The following GLIS1 variants were observed in gnomAD, a reference collection of about 807,000 sequenced individuals.
GLIS1 encodes zinc finger protein GLIS1.
GLIS1 carries 24 observed loss-of-function variants against 63.8 expected under a neutral mutation model. The observed-to-expected ratio is 0.38, with a 90% CI of 0.27 to 0.53. The LOEUF (loss-of-function observed/expected upper bound fraction) is 0.53. Ranked by LOEUF, GLIS1 falls within the 20% of genes least tolerant of loss-of-function variation. The probability of loss-of-function intolerance (pLI) is 0.85; values close to 1 mark genes in which losing one functional copy is unlikely to be tolerated. For synonymous variants in GLIS1, 450 were observed against 482.5 expected (o/e 0.93, Z 0.88); for missense variants, 1,036 against 1,074.1 (o/e 0.96, Z 0.50).
At chr1:53,668,497 G>T (rs1004863930) in intron 2 of GLIS1, among the ~76,000 whole-genome samples, 2 of 152,146 alleles carry the variant, frequency 1.3e-5, no homozygotes, top group African/African-American at 4.8e-5. Flanking sequence ...ATGTGGCTGA[G>T]ACTATAGGTG....
At chr1:53,715,864 G>C (rs745602467) in intron 2 of GLIS1, among the ~76,000 whole-genome samples, 7 of 152,156 alleles carry the variant, frequency 4.6e-5, no homozygotes, top group African/African-American at 9.7e-5. Flanking sequence ...GGGAAGAAAG[G>C]CTGCAAACAG....
intron 4 of GLIS1, among the ~76,000 whole-genome samples, chr1:53,532,186 T>C (rs536768576): frequency 6.6e-6 from 1 of 152,162 alleles, no homozygotes; most frequent in Non-Finnish European, 1.5e-5. Flanking sequence ...ATATGTGCCC[T>C]AGGAAGACCT....
rs1200151266 is a variant in GLIS1, at chr1:53,594,821, C to A, written c.607G>T (p.Gly203Cys). 6.2e-7 allele frequency: 1 copy of A among 1,605,736 alleles called. No individual in the cohort carries two copies. Among genetic ancestry groups the A allele is most frequent in the Non-Finnish European group, 8.5e-7 (1 of 1,177,308 alleles). ...GGCGCAGGGGTGGCGAGGCTTCGGC[C>A]CGGGAGGTCCAGGTCTGGGTGCAGG... The part of the protein sequence containing the change: ...TGLHPDLDLP[G>C]RSLATPAPSC... Residue 203 changes from glycine to cysteine, a missense_variant, in exon 4 of 11, where the codon GGC becomes TGC. By Grantham distance (159) the Gly-to-Cys change is radical. Transcript: ENST00000628545.
chr1:53,576,907 ATTCACATTCTAACAAGGCCCAG>A (rs1192048669), intron 4 of GLIS1, among the ~76,000 whole-genome samples: 2 of 151,036 alleles, frequency 1.3e-5, no homozygotes, highest in Non-Finnish European at 3.0e-5. Context: ...AGCCCTTCTC[ATTCACATTCTAACAAGGCCCAG>A]GTTCCCTCTG....
At position 53,560,543 on chromosome 1, in the gene GLIS1, G is replaced by T. The variant is rs1244796441; in HGVS notation, c.1321-30591C>A. Among the ~76,000 whole-genome samples, 1 of 152,228 alleles carries T rather than the reference G, an allele frequency of 6.6e-6. No individual in the cohort carries two copies. Among genetic ancestry groups the T allele is most frequent in the Non-Finnish European group, 1.5e-5 (1 of 68,024 alleles). ...TTCGTACCTTCCAGGGAGAGTGGAG[G>T]CTGTGGTCGGGAGGGCAGAGCGGGC... is the stretch of plus-strand genomic sequence containing the variant. On this transcript the variant is annotated intron_variant, in intron 4 of 10. Coordinates refer to ENST00000628545, the MANE Select transcript of GLIS1 (RefSeq NM_001367484.1). The surrounding 1 kb of genome is among the most constrained non-coding windows in gnomAD (Gnocchi z 4.4).
intron 4 of GLIS1, among the ~76,000 whole-genome samples, chr1:53,579,960 G>T (rs1645069287): frequency 6.6e-6 from 1 of 152,220 alleles, no homozygotes; most frequent in Non-Finnish European, 1.5e-5. Flanking sequence ...ATTGGACACG[G>T]TTATCATTTC....
At chr1:53,685,431 C>T (rs1646325793) in intron 2 of GLIS1, among the ~76,000 whole-genome samples, 1 of 152,240 alleles carries the variant, frequency 6.6e-6, no homozygotes, top group Non-Finnish European at 1.5e-5. Flanking sequence ...TACATTCCTC[C>T]GTAATGAGTC....
intron 2 of GLIS1, among the ~76,000 whole-genome samples, chr1:53,614,015 C>T (rs1454823301): frequency 1.3e-5 from 2 of 152,166 alleles, no homozygotes; most frequent in African/African-American, 2.4e-5. Flanking sequence ...ATTCCATATA[C>T]TAAAAATGAC....
intron 2 of GLIS1, among the ~76,000 whole-genome samples, chr1:53,687,082 C>T (rs747684980): frequency 1.3e-5 from 2 of 152,166 alleles, no homozygotes; most frequent in Non-Finnish European, 2.9e-5. Context: ...ACACAGCCTC[C>T]GAGGGGCAGA....
chr1:53,652,803 GA>G (rs1327358594), intron 2 of GLIS1, among the ~76,000 whole-genome samples: 3 of 152,144 alleles, frequency 2.0e-5, no homozygotes, highest in African/African-American at 7.2e-5. Flanking sequence ...AGGATGACAT[GA>G]GGACCAGCTA....
intron 2 of GLIS1, among the ~76,000 whole-genome samples, chr1:53,610,060 T>C (rs1645410651): frequency 6.6e-6 from 1 of 152,260 alleles, no homozygotes. Context: ...TGCATAAATG[T>C]ACTTTTACTA....
intron 2 of GLIS1, among the ~76,000 whole-genome samples, chr1:53,636,440 G>GA (rs892154276): frequency 6.2e-4 from 89 of 144,052 alleles, no homozygotes; most frequent in East Asian, 4.1e-3. Context: ...ACCCCGAAAA[G>GA]AAAAAAAAAA....
chr1:53,516,563 C>T lies in GLIS1; in HGVS notation c.1727-1782G>A, dbSNP rs183489625. ...AAAAAAAAAACAAGCCTGTAATCCC[C>T]GCACTTTGGGAGGCCGAGGCGGGAG... On this transcript the variant is annotated intron_variant, in intron 7 of 10. Coordinates refer to ENST00000628545, the MANE Select transcript of GLIS1 (RefSeq NM_001367484.1). 2.0e-3 allele frequency among the ~76,000 whole-genome samples: 300 copies of T among 151,536 alleles called. 2 individuals carry two copies. Among genetic ancestry groups the T allele is most frequent in the Admixed American group, 5.5e-3 (83 of 15,228 alleles).
intron 2 of GLIS1, among the ~76,000 whole-genome samples, chr1:53,701,327 G>A (rs1190723532): frequency 6.6e-6 from 1 of 152,176 alleles, no homozygotes; most frequent in Non-Finnish European, 1.5e-5. Flanking sequence ...TGGGTGTGAA[G>A]TACCATCTCA....
intron 2 of GLIS1, among the ~76,000 whole-genome samples, chr1:53,649,691 A>G (rs974733584): frequency 1.3e-5 from 2 of 152,232 alleles, no homozygotes; most frequent in Non-Finnish European, 2.9e-5. Context: ...TCATCTTGCA[A>G]ACAGATGATG....
Position 53,648,250 on chromosome 1 carries a change from A to G in GLIS1, c.260-47972T>C, listed in dbSNP as rs144644935. Among the ~76,000 whole-genome samples the G allele has an allele frequency of 2.6e-5, 4 of 152,344 alleles. No homozygotes were observed. The East Asian group carries it at 7.7e-4, about 29-fold the overall frequency. On this transcript the variant is annotated intron_variant, in intron 2 of 10. Transcript: ENST00000628545. ...GAATATTCAAATGGTCAAAAAATATATGAAATGATGCTCAACATCATTAAT... is the reference window on the plus strand; with the variant it reads ...GAATATTCAAATGGTCAAAAAATATGTGAAATGATGCTCAACATCATTAAT...
intron 2 of GLIS1, among the ~76,000 whole-genome samples, chr1:53,713,856 A>C (rs1646670964): frequency 6.6e-6 from 1 of 152,212 alleles, no homozygotes; most frequent in South Asian, 2.1e-4. Context: ...GGGTGGAGAT[A>C]GCTCCTAAGA....
At chr1:53,657,299 G>A (rs1043284922) in intron 2 of GLIS1, among the ~76,000 whole-genome samples, 9 of 152,206 alleles carry the variant, frequency 5.9e-5, no homozygotes, top group African/African-American at 2.2e-4. Flanking sequence ...TTACCAAGTG[G>A]CTGGCACCCA....
At chr1:53,709,852 C>T (rs1646627965) in intron 2 of GLIS1, among the ~76,000 whole-genome samples, 1 of 152,124 alleles carries the variant, frequency 6.6e-6, no homozygotes, top group Non-Finnish European at 1.5e-5. Context: ...CACAGACGGG[C>T]ATGAAGACAG....
Sources: allele counts gnomAD v4.1 joint callset (sites outside exome capture counted in the v4.1 genomes callset), GRCh38; gene constraint gnomAD v4.1.1; non-coding constraint Gnocchi (gnomAD v3.1); transcripts MANE v1.5; gene names NCBI Gene and HGNC (gene_info 2026-07-23, HGNC 2026-07-21).